Variants in ABTB3 observed in about 807,000 individuals in gnomAD.
The protein encoded by ABTB3 is ankyrin repeat- and BTB/POZ domain-containing protein 3.
At chr12:107,431,726 C>G in the ABTB3 span, among the ~76,000 whole-genome samples, 5 of 152,134 alleles carry the variant, frequency 3.3e-5, no homozygotes, top group African/African-American at 1.2e-4. Context: ...CCAAATACAT[C>G]CCTAGCATAG....
At chr12:107,422,284 T>C in the ABTB3 span, among the ~76,000 whole-genome samples, 2 of 151,924 alleles carry the variant, frequency 1.3e-5, no homozygotes, top group African/African-American at 2.4e-5. Context: ...ACAAGAGTGA[T>C]GGAAGATGGG....
chr12:107,374,687 C>CT, the ABTB3 span: 2 of 152,326 alleles, frequency 1.3e-5, no homozygotes, highest in African/African-American at 4.8e-5. Context: ...AGTGACTTCT[C>CT]TGTTTATGGG....
the ABTB3 span, among the ~76,000 whole-genome samples, chr12:107,470,853 G>C: frequency 6.6e-6 from 1 of 152,132 alleles, no homozygotes; most frequent in Admixed American, 6.5e-5. Flanking sequence ...GGAAAGCTGG[G>C]GCCAGCCCGA....
At chr12:107,593,490 G>A in the ABTB3 span, among the ~76,000 whole-genome samples, 2 of 152,166 alleles carry the variant, frequency 1.3e-5, no homozygotes, top group African/African-American at 4.8e-5. Context: ...TAGATTCCTT[G>A]GAGGGTGGAT....
chr12:107,476,055 C>G, the ABTB3 span, among the ~76,000 whole-genome samples: 4 of 152,228 alleles, frequency 2.6e-5, no homozygotes, highest in Admixed American at 2.6e-4. Flanking sequence ...ATCCGTCCCC[C>G]AGAAGCCGGG....
At chr12:107,408,476 T>C in the ABTB3 span, among the ~76,000 whole-genome samples, 4 of 152,140 alleles carry the variant, frequency 2.6e-5, no homozygotes, top group Non-Finnish European at 5.9e-5. Flanking sequence ...GGGAAGACAG[T>C]AGGGGCAGGG....
At chr12:107,318,881 T>TGCTCCTCGCC in the ABTB3 span, 20 of 1,501,110 alleles carry the variant, frequency 1.3e-5, no homozygotes, top group Middle Eastern at 1.9e-4. Context: ...CGGCACTCGC[T>TGCTCCTCGCC]GCTCCTCGCC....
the ABTB3 span, among the ~76,000 whole-genome samples, chr12:107,495,878 C>A: frequency 1.3e-5 from 2 of 152,072 alleles, no homozygotes; most frequent in African/African-American, 2.4e-5. Context: ...AGGGTTATTG[C>A]GAGGATTACA....
chr12:107,456,338 G>A, the ABTB3 span, among the ~76,000 whole-genome samples: 5 of 152,332 alleles, frequency 3.3e-5, no homozygotes, highest in Admixed American at 2.0e-4. Flanking sequence ...GCAAGCAAGC[G>A]AAGCTTCATC....
the ABTB3 span, among the ~76,000 whole-genome samples, chr12:107,598,052 T>C: frequency 6.6e-6 from 1 of 152,194 alleles, no homozygotes; most frequent in Non-Finnish European, 1.5e-5. Context: ...CTCACCTCCA[T>C]AGTCAAAGCT....
chr12:107,411,294 G>A, the ABTB3 span, among the ~76,000 whole-genome samples: 2 of 152,104 alleles, frequency 1.3e-5, no homozygotes, highest in Non-Finnish European at 2.9e-5. Flanking sequence ...GCGAGACTCC[G>A]TCTCCCCCCT....
chr12:107,552,220 A>T, the ABTB3 span, among the ~76,000 whole-genome samples: 1 of 152,240 alleles, frequency 6.6e-6, no homozygotes, highest in African/African-American at 2.4e-5. Context: ...CTGGGCTCCT[A>T]GCCATTAGTC....
chr12:107,407,220 A>G, the ABTB3 span, among the ~76,000 whole-genome samples: 16 of 152,352 alleles, frequency 1.1e-4, no homozygotes, highest in East Asian at 1.7e-3. Context: ...GCAGGCTTCA[A>G]TGTAATAATG....
chr12:107,520,669 C>T, the ABTB3 span: 5 of 1,611,354 alleles, frequency 3.1e-6, no homozygotes, highest in Admixed American at 6.7e-5. Flanking sequence ...GCTCTCATGC[C>T]TCAAGACATA....
chr12:107,612,318 C>T, the ABTB3 span, among the ~76,000 whole-genome samples: 1 of 152,204 alleles, frequency 6.6e-6, no homozygotes, highest in Admixed American at 6.5e-5. Context: ...GCCACATGCT[C>T]AGAAGCATTC....
chr12:107,345,982 C>G, the ABTB3 span, among the ~76,000 whole-genome samples: 2 of 152,172 alleles, frequency 1.3e-5, no homozygotes, highest in Non-Finnish European at 2.9e-5. Context: ...TCATTTTAGC[C>G]TTGTTGCACC....
the ABTB3 span, among the ~76,000 whole-genome samples, chr12:107,339,764 C>A: frequency 1.3e-5 from 2 of 152,034 alleles, no homozygotes; most frequent in Non-Finnish European, 2.9e-5. Flanking sequence ...TGGACGCCTG[C>A]CATAGCTTCT....
chr12:107,453,811 G>C, the ABTB3 span, among the ~76,000 whole-genome samples: 3,959 of 152,318 alleles, frequency 0.026, 107 homozygotes, highest in East Asian at 0.14. Context: ...GTACCAACGA[G>C]GAGATGAGAA....
At chr12:107,437,770 G>A in the ABTB3 span, among the ~76,000 whole-genome samples, 10 of 152,070 alleles carry the variant, frequency 6.6e-5, no homozygotes, top group African/African-American at 2.4e-4. Context: ...CCCCACCTGG[G>A]TAATCTCAAA....
Sources: gnomAD v4.1 joint callset for allele counts (sites outside exome capture counted in the v4.1 genomes callset) on GRCh38, gnomAD v4.1.1 for gene constraint, MANE v1.5 for transcripts, NCBI Gene and HGNC (gene_info 2026-07-23, HGNC 2026-07-21) for gene names.